Variants in PTCHD4 observed in about 807,000 individuals in gnomAD.
PTCHD4 encodes patched domain-containing protein 4.
In PTCHD4, 33 loss-of-function variants were observed where a neutral mutation model predicts 58.1. The observed-to-expected ratio is 0.57, with a 90% confidence interval of 0.43 to 0.76. The LOEUF (loss-of-function observed/expected upper bound fraction) is 0.76. PTCHD4 is among the 30% of genes least tolerant of loss of function. The pLI, the probability that PTCHD4 is intolerant of heterozygous loss-of-function variation, is 0.00. For synonymous variants in PTCHD4, 478 were observed against 409.6 expected, an observed-to-expected ratio of 1.17 and a Z score of -2.02; for missense variants, 1,058 against 1,027.1, an observed-to-expected ratio of 1.03 and a Z score of -0.41.
chr6:47,983,921 T>C (rs1767975326), intron 4 of PTCHD4, among the ~76,000 whole-genome samples: 1 of 152,172 alleles, frequency 6.6e-6, no homozygotes, highest in Non-Finnish European at 1.5e-5. Context: ...ATGACAATAT[T>C]ACATATGTAA....
At chr6:47,890,767 G>T in intron 4 of PTCHD4, 2 of 349,554 alleles carry the variant, frequency 5.7e-6, no homozygotes, top group Non-Finnish European at 8.0e-6. Context: ...GCAGGGCCTT[G>T]GTGCTGCCAA....
chr6:47,914,652 A>G (rs1004259018), intron 4 of PTCHD4, among the ~76,000 whole-genome samples: 2 of 149,566 alleles, frequency 1.3e-5, no homozygotes, highest in African/African-American at 4.9e-5. Context: ...ATTAAAATAT[A>G]TAAAAAGATT....
Position 48,090,620 on chromosome 6 carries a change from C to T in PTCHD4, c.-970+20429G>A, listed in dbSNP as rs973414000. Among the ~76,000 whole-genome samples the T allele has an allele frequency of 2.6e-5, 4 of 152,166 alleles. No individual in the cohort carries two copies. The East Asian group carries it at 5.8e-4, about 22-fold the overall frequency. The stretch of plus-strand genomic sequence containing the variant: ...CAGAAGGGGTAAAATAACTGTTTCA[C>T]GAGAAAACCAGGGTATAAAGGGCTT... On this transcript the variant is annotated intron_variant, in intron 1 of 4. Coordinates refer to ENST00000339488, the MANE Select transcript of PTCHD4 (RefSeq NM_001384253.1).
rs928997616 is a variant in PTCHD4 at position 47,864,793 on chromosome 6, GAA to G, written c.*13508_*13509del. ...ATTTGACAGGACAATTATACCATAGGAAAAGTTTTGAATTAGAGACAGGCCAT... is the reference window on the plus strand; with the variant it reads ...ATTTGACAGGACAATTATACCATAGGAAGTTTTGAATTAGAGACAGGCCAT... On this transcript the variant is annotated 3_prime_UTR_variant, in exon 5 of 5. Transcript: ENST00000339488. 2.6e-5 allele frequency among the ~76,000 whole-genome samples: 4 copies of G among 151,948 alleles called. No individual in the cohort carries two copies. Among genetic ancestry groups the G allele is most frequent in the African/African-American group, 9.7e-5 (4 of 41,398 alleles).
intron 4 of PTCHD4, among the ~76,000 whole-genome samples, chr6:47,957,899 C>T (rs554346255): frequency 6.6e-5 from 10 of 152,096 alleles, no homozygotes; most frequent in South Asian, 6.2e-4. Flanking sequence ...CCACCGCGCC[C>T]GGCCATAAGA....
At chr6:48,039,633 G>A (rs528734551) in intron 3 of PTCHD4, among the ~76,000 whole-genome samples, 4 of 152,176 alleles carry the variant, frequency 2.6e-5, no homozygotes, top group African/African-American at 9.6e-5. Flanking sequence ...AATGCTAGAG[G>A]AAATTTCTCA....
At chr6:47,905,763 T>C (rs764058123) in intron 4 of PTCHD4, among the ~76,000 whole-genome samples, 6 of 152,170 alleles carry the variant, frequency 3.9e-5, no homozygotes, top group East Asian at 1.9e-4. Context: ...GTCACTGAAC[T>C]CTTGTCTAAT....
chr6:48,065,607 GCCCC>G (rs1764767457), intron 3 of PTCHD4, among the ~76,000 whole-genome samples: 1 of 152,132 alleles, frequency 6.6e-6, no homozygotes, highest in Non-Finnish European at 1.5e-5. Flanking sequence ...GATCCTGGGA[GCCCC>G]TGGAGAGCCT....
At chr6:48,033,303 A>G (rs1355686047) in intron 3 of PTCHD4, among the ~76,000 whole-genome samples, 1 of 152,050 alleles carries the variant, frequency 6.6e-6, no homozygotes, top group Admixed American at 6.6e-5. Flanking sequence ...GAGAGTGAGA[A>G]GCCCTCTGGA....
chr6:48,037,177 T>C (rs1356239618), intron 3 of PTCHD4, among the ~76,000 whole-genome samples: 1 of 152,150 alleles, frequency 6.6e-6, no homozygotes, highest in Non-Finnish European at 1.5e-5. Context: ...TAGTGTAAGA[T>C]ATTTTGAGAG....
At chr6:48,105,143 A>C (rs1286130871) in intron 1 of PTCHD4, among the ~76,000 whole-genome samples, 4 of 152,180 alleles carry the variant, frequency 2.6e-5, no homozygotes, top group Admixed American at 6.5e-5. Flanking sequence ...AATCAACAGA[A>C]TATACATTCT....
At chr6:47,884,436 T>C (rs1252461917) in intron 4 of PTCHD4, among the ~76,000 whole-genome samples, 3 of 152,206 alleles carry the variant, frequency 2.0e-5, no homozygotes, top group Non-Finnish European at 4.4e-5. Context: ...AGTTCCACCC[T>C]TACTCAGAGA....
intron 4 of PTCHD4, among the ~76,000 whole-genome samples, chr6:47,956,418 G>A (rs1766862648): frequency 1.3e-5 from 2 of 151,912 alleles, no homozygotes; most frequent in Admixed American, 1.3e-4. Flanking sequence ...TGAAGCCAGA[G>A]AGTATGGTTT....
In PTCHD4 at chr6:48,030,591, T is replaced by C. The variant is rs570200161; in HGVS notation, c.418-21477A>G. Among the ~76,000 whole-genome samples the C allele has an allele frequency of 2.0e-5, 3 of 152,296 alleles. No individual in the cohort carries two copies. In the South Asian group the frequency reaches 6.2e-4, roughly 32 times the overall value. On this transcript the variant is annotated intron_variant, in intron 3 of 4. Coordinates refer to ENST00000339488, the MANE Select transcript of PTCHD4 (RefSeq NM_001384253.1). ...ATCATGTGTAGGCAACTTTCATGTC[T>C]GCTGCTGTGTAGGCCACTCAGAACA... is the stretch of plus-strand genomic sequence containing the variant.
chr6:47,955,484 A>C (rs1407357487), intron 4 of PTCHD4, among the ~76,000 whole-genome samples: 5 of 152,226 alleles, frequency 3.3e-5, no homozygotes, highest in Non-Finnish European at 7.3e-5. Context: ...TAACAAAGGA[A>C]AAGTTTGAGT....
chr6:47,880,324 G>A (rs1329000766), intron 4 of PTCHD4, among the ~76,000 whole-genome samples: 1 of 152,166 alleles, frequency 6.6e-6, no homozygotes, highest in Non-Finnish European at 1.5e-5. Context: ...ATCATGTCAA[G>A]TGCTTGGTTA....
At chr6:48,004,724 C>T (rs146477008) in intron 4 of PTCHD4, among the ~76,000 whole-genome samples, 2,656 of 152,222 alleles carry the variant, frequency 0.017, 37 homozygotes, top group South Asian at 0.045. Context: ...TGAGACCAGC[C>T]TGGCCAACAT....
At chr6:48,097,282 A>C (rs1277220716) in intron 1 of PTCHD4, among the ~76,000 whole-genome samples, 1 of 152,182 alleles carries the variant, frequency 6.6e-6, no homozygotes, top group African/African-American at 2.4e-5. Flanking sequence ...TTTTATTGTT[A>C]AGATGTGGAA....
intron 1 of PTCHD4, among the ~76,000 whole-genome samples, chr6:48,073,453 CAT>C (rs1441630215): frequency 1.3e-5 from 2 of 152,208 alleles, no homozygotes; most frequent in Admixed American, 1.3e-4. Flanking sequence ...TCAATTCACT[CAT>C]AGCAGTATTC....
Sources: allele counts gnomAD v4.1 joint callset (sites outside exome capture counted in the v4.1 genomes callset), GRCh38; gene constraint gnomAD v4.1.1; transcripts MANE v1.5; gene names NCBI Gene and HGNC (gene_info 2026-07-23, HGNC 2026-07-21).